CAMTA1: variants seen among roughly 807,000 people sequenced by gnomAD.
CAMTA1 encodes the protein calmodulin-binding transcription activator 1.
CAMTA1 carries 27 observed loss-of-function variants against 170.9 expected under a neutral mutation model. The observed-to-expected ratio is 0.16, with a 90% CI of 0.12 to 0.22. CAMTA1 has a LOEUF of 0.22. CAMTA1 is among the 10% of genes least tolerant of loss of function. The pLI, the probability that CAMTA1 is intolerant of heterozygous loss-of-function variation, is 1.00. For missense variants in CAMTA1, 1,619 were observed against 2,217.2 expected (o/e 0.73, Z 5.42); for synonymous variants, 833 against 891.5 (o/e 0.93, Z 1.17).
chr1:7,579,552 C>CTTT lies in CAMTA1; in HGVS notation c.511-60825_511-60823dup, dbSNP rs3034816. On this transcript the variant is annotated intron_variant, in intron 6 of 22. Coordinates refer to ENST00000303635, the MANE Select transcript of CAMTA1 (RefSeq NM_015215.4). ...GGTCCACTTTCTTTTCTTTTCTTTT[C>CTTT]TTTTTTTTTTTTTTTTTTTTTTTTT... Among the ~76,000 whole-genome samples the CTTT allele has an allele frequency of 1.1e-3, 84 of 79,188 alleles. 1 individual carries two copies. The highest frequency in any genetic ancestry group is 1.8e-3 in the East Asian group (5 of 2,848). 52.0% of individuals were successfully genotyped at this position (79,188 alleles called of 152,430 possible).
In CAMTA1 at chr1:7,224,605, G is replaced by A. The variant is rs1661367620; in HGVS notation, c.303-24886G>A. On this transcript the variant is annotated intron_variant, in intron 4 of 22. Transcript: ENST00000303635. The surrounding 1 kb of genome is among the most constrained non-coding windows in gnomAD (Gnocchi z 5.2). Reference sequence around the variant, plus strand: ...TTTTGTACAGGAGCACAAAACTCATGAATTCCGTCCCTGCTCAAGCGGGGT... The same window carrying A: ...TTTTGTACAGGAGCACAAAACTCATAAATTCCGTCCCTGCTCAAGCGGGGT... 6.6e-6 allele frequency among the ~76,000 whole-genome samples: 1 copy of A among 152,158 alleles called. No homozygotes were observed. Among genetic ancestry groups the A allele is most frequent in the Admixed American group, 6.5e-5 (1 of 15,278 alleles).
At chr1:7,734,304 A>G (rs1248714718) in intron 12 of CAMTA1, among the ~76,000 whole-genome samples, 1 of 152,220 alleles carries the variant, frequency 6.6e-6, no homozygotes, top group African/African-American at 2.4e-5. Flanking sequence ...CATGGCTCAC[A>G]TAAGAGATCT....
chr1:7,460,983 G>A (rs1458164621), intron 5 of CAMTA1, among the ~76,000 whole-genome samples: 1 of 152,132 alleles, frequency 6.6e-6, no homozygotes, highest in East Asian at 1.9e-4. Flanking sequence ...TGGCCTGGCT[G>A]CTAGGACTGG....
chr1:7,176,803 G>A lies in CAMTA1; in HGVS notation c.303-72688G>A, dbSNP rs148751136. ...AGGCCACCCCTGGCTGTGCCATCTT[G>A]GGCAGGCCCTGTGACCAGTGTCCAC... On this transcript the variant is annotated intron_variant, in intron 4 of 22. Transcript: ENST00000303635. Among the ~76,000 whole-genome samples the A allele has an allele frequency of 2.4e-3, 366 of 152,280 alleles. 3 individuals carry two copies. The highest frequency in any genetic ancestry group is 8.2e-3 in the African/African-American group (341 of 41,560).
At chr1:7,036,750 A>C (rs1703655099) in intron 3 of CAMTA1, among the ~76,000 whole-genome samples, 1 of 152,212 alleles carries the variant, frequency 6.6e-6, no homozygotes, top group Non-Finnish European at 1.5e-5. Flanking sequence ...GTTTCTGCTA[A>C]GCGAGTTGGC....
chr1:6,933,708 A>G (rs1684827067), intron 3 of CAMTA1, among the ~76,000 whole-genome samples: 1 of 150,040 alleles, frequency 6.7e-6, no homozygotes, highest in Non-Finnish European at 1.5e-5. Context: ...TTATTTCAGC[A>G]CTATTTGTGG....
intron 8 of CAMTA1, among the ~76,000 whole-genome samples, chr1:7,663,146 G>A (rs2095975276): frequency 6.6e-6 from 1 of 152,238 alleles, no homozygotes; most frequent in South Asian, 2.1e-4. Context: ...AAAGGGGCGT[G>A]GGACGGCCCC....
rs1164601681 is a variant in CAMTA1, at chr1:7,669,398, T to C, written c.2653-1513T>C. Among the ~76,000 whole-genome samples the C allele has an allele frequency of 3.3e-5, 5 of 152,310 alleles. No individual in the cohort carries two copies. The East Asian group carries it at 9.7e-4, about 29-fold the overall frequency. ...GGGCCAGGCCTGGGTTCCAGGAACATTGTGGGGCGCCTAGGGCAGGCTCCT... is the reference window on the plus strand; with the variant it reads ...GGGCCAGGCCTGGGTTCCAGGAACACTGTGGGGCGCCTAGGGCAGGCTCCT... On this transcript the variant is annotated intron_variant, in intron 9 of 22. Transcript: ENST00000303635.
intron 19 of CAMTA1, 125 bp downstream of exon 19, chr1:7,747,906 G>GTTT (rs34083763): frequency 2.1e-5 from 9 of 427,142 alleles, no homozygotes; most frequent in East Asian, 3.9e-5. Flanking sequence ...TTTTTTGGTT[G>GTTT]TTTTTTTTTT....
intron 21 of CAMTA1, among the ~76,000 whole-genome samples, chr1:7,755,236 A>C: frequency 6.8e-6 from 1 of 147,398 alleles, no homozygotes; most frequent in East Asian, 2.1e-4. Context: ...CTGGGGCAGG[A>C]GAATCTCTTG....
At chr1:7,236,063 G>C (rs1480121640) in intron 4 of CAMTA1, among the ~76,000 whole-genome samples, 1 of 152,134 alleles carries the variant, frequency 6.6e-6, no homozygotes, top group Admixed American at 6.5e-5. Context: ...CGGGCTGCGG[G>C]GTGTGGGGGA....
At chr1:7,601,805 G>C (rs1004691199) in intron 6 of CAMTA1, among the ~76,000 whole-genome samples, 7 of 152,184 alleles carry the variant, frequency 4.6e-5, no homozygotes, top group Non-Finnish European at 1.0e-4. Flanking sequence ...GTCAGGCATG[G>C]CGGCGCGCGC....
rs148839416 is a variant in CAMTA1, at chr1:7,026,242, G to T, written c.235-65062G>T. ...GGGATGAAGCTGGTGGCAGCACAAA[G>T]AGCGAGGCGTGAGGCAGGCAGCAGT... On this transcript the variant is annotated intron_variant, in intron 3 of 22. Transcript: ENST00000303635. Among the ~76,000 whole-genome samples the T allele has an allele frequency of 2.9e-3, 445 of 152,300 alleles. 3 individuals carry two copies. The highest frequency in any genetic ancestry group is 0.01 in the African/African-American group (417 of 41,560).
chr1:7,212,798 A>G (rs2149079241), intron 4 of CAMTA1, among the ~76,000 whole-genome samples: 1 of 152,190 alleles, frequency 6.6e-6, no homozygotes, highest in Non-Finnish European at 1.5e-5. Context: ...TGCAACCCCT[A>G]ATCTGTTCTC....
chr1:7,360,077 G>T (rs1250049715), intron 5 of CAMTA1, among the ~76,000 whole-genome samples: 1 of 152,072 alleles, frequency 6.6e-6, no homozygotes, highest in African/African-American at 2.4e-5. Context: ...TCATCTTCAC[G>T]TGGCATTCTC....
At chr1:7,445,623 G>A (rs1294407162) in intron 5 of CAMTA1, among the ~76,000 whole-genome samples, 2 of 152,194 alleles carry the variant, frequency 1.3e-5, no homozygotes, top group African/African-American at 4.8e-5. Flanking sequence ...GCCACCTGAC[G>A]CCGGAGGAGC....
At position 7,547,648 on chromosome 1, in the gene CAMTA1, T is replaced by C. The variant is rs536144818; in HGVS notation, c.510+79747T>C. Among the ~76,000 whole-genome samples, 12 of 152,236 alleles carry C rather than the reference T, an allele frequency of 7.9e-5. No individual in the cohort carries two copies. The East Asian group carries it at 2.3e-3, about 29-fold the overall frequency. On this transcript the variant is annotated intron_variant, in intron 6 of 22. Coordinates refer to ENST00000303635, the MANE Select transcript of CAMTA1 (RefSeq NM_015215.4). The surrounding 1 kb of genome is among the most constrained non-coding windows in gnomAD (Gnocchi z 5.7). ...CTGTGGCCCAGGACAGCTTTGAATG[T>C]GGCCCAACACAAATTCATAAACTTT...
At chr1:7,612,473 A>G (rs1051511829) in intron 6 of CAMTA1, among the ~76,000 whole-genome samples, 9 of 152,172 alleles carry the variant, frequency 5.9e-5, no homozygotes, top group Admixed American at 3.3e-4. Context: ...ATATGAGTAC[A>G]GGATAGGAGG....
intron 3 of CAMTA1, among the ~76,000 whole-genome samples, chr1:6,926,438 CTCTTTCTTTCTTTCTT>C (rs70984040): frequency 0.073 from 9,169 of 126,068 alleles, 373 homozygotes; most frequent in East Asian, 0.16. Flanking sequence ...TCTTTCTTTT[CTCTTTCTTTCTTTCTT>C]TCTTTCTTTC....
Sources: allele counts gnomAD v4.1 joint callset (sites outside exome capture counted in the v4.1 genomes callset), GRCh38; gene constraint gnomAD v4.1.1; non-coding constraint Gnocchi (gnomAD v3.1); transcripts MANE v1.5; gene names NCBI Gene and HGNC (gene_info 2026-07-23, HGNC 2026-07-21).